Variants in ABCC2 observed in about 807,000 individuals in gnomAD.
ABCC2 encodes the protein ATP binding cassette subfamily C member 2.
ABCC2 carries 157 observed loss-of-function variants against 173.4 expected under a neutral mutation model. The observed-to-expected ratio is 0.91, with a 90% CI of 0.80 to 1.03. The LOEUF (loss-of-function observed/expected upper bound fraction) is 1.03. Ranked by LOEUF, ABCC2 falls within the 50% of genes least tolerant of loss-of-function variation. The pLI is 0.00. For missense variants in ABCC2, 1,822 were observed against 1,852.3 expected (o/e 0.98, Z 0.30); for synonymous variants, 657 against 693.5 (o/e 0.95, Z 0.83).
Position 99,836,428 on chromosome 10 carries a change from G to C in ABCC2, c.3614+138G>C, listed in dbSNP as rs1055227396. On this transcript the variant is annotated intron_variant, in intron 25 of 31. Transcript: ENST00000647814. Reference sequence around the variant, plus strand: ...CACACTGTCATGCTATGTAAGTGGAGAGAAGAAAGCATGAGCTTTGGAGTC... The same window carrying C: ...CACACTGTCATGCTATGTAAGTGGACAGAAGAAAGCATGAGCTTTGGAGTC... 12 of 948,090 alleles carry C rather than the reference G, an allele frequency of 1.3e-5. No individual in the cohort carries two copies. In the African/African-American group the frequency reaches 1.8e-4, roughly 14 times the overall value. 58.7% of individuals were successfully genotyped at this position (948,090 alleles called of 1,614,324 possible).
chr10:99,803,937 A>G, intron 9 of ABCC2, 82 bp from the exon 10 acceptor site: 1 of 1,576,940 alleles, frequency 6.3e-7, no homozygotes, highest in East Asian at 2.2e-5. Flanking sequence ...TTCCATTGTA[A>G]TCTCACTTCC....
chr10:99,831,671 A>G lies in ABCC2; in HGVS notation c.2944A>G (p.Ile982Val), dbSNP rs17222554. Residue 982 changes from isoleucine (I) to valine (V), a missense_variant, in exon 22 of 32, where the codon ATC (isoleucine) becomes GTC (valine). Physicochemically the swap from Ile to Val is conservative, Grantham distance 29. Coordinates refer to ENST00000647814, the MANE Select transcript of ABCC2 (RefSeq NM_000392.5). ...QAIGLFSIFF[I>V]ILAFVMNSVA... The stretch of plus-strand genomic sequence containing the variant: ...AATAGGATTGTTTTCGATATTCTTC[A>G]TCATCCTTGCGTTTGTGATGAATTC... 2.4e-4 allele frequency: 392 copies of G among 1,614,162 alleles called. No individual in the cohort carries two copies. The African/African-American group carries it at 4.5e-3, about 19-fold the overall frequency.
intron 16 of ABCC2, among the ~76,000 whole-genome samples, chr10:99,814,214 T>TATGTATACACAC (rs2038289756): frequency 6.4e-5 from 3 of 47,172 alleles, no homozygotes; most frequent in African/African-American, 3.1e-4. Flanking sequence ...TACACACATG[T>TATGTATACACAC]GTATATATAC....
chr10:99,833,761 C>G (rs976649852), intron 23 of ABCC2, among the ~76,000 whole-genome samples: 5 of 152,332 alleles, frequency 3.3e-5, no homozygotes, highest in African/African-American at 9.6e-5. Context: ...AACTTAAACT[C>G]ACTTTGGTAC....
intron 25 of ABCC2, among the ~76,000 whole-genome samples, chr10:99,839,214 G>C (rs1449511191): frequency 8.7e-5 from 9 of 103,616 alleles, no homozygotes; most frequent in South Asian, 3.0e-4. Context: ...CCTCCCGGAC[G>C]GGCCGGCTGG....
intron 30 of ABCC2, among the ~76,000 whole-genome samples, chr10:99,849,732 T>C (rs978880186): frequency 2.0e-5 from 3 of 152,222 alleles, no homozygotes; most frequent in African/African-American, 7.2e-5. Flanking sequence ...AGGGGAAAAC[T>C]GGAAGTTCAT....
At chr10:99,815,216 G>A (rs2038387550) in intron 16 of ABCC2, among the ~76,000 whole-genome samples, 1 of 152,042 alleles carries the variant, frequency 6.6e-6, no homozygotes, top group African/African-American at 2.4e-5. Flanking sequence ...CTGTTCCTGT[G>A]TTAGTTTGCT....
In ABCC2 at chr10:99,805,447, G is replaced by A; in HGVS notation, c.1530G>A (p.Lys510=). ...TGAATGAGATTCTTAGTGGAATCAA[G>A]GTGAGAATCTGAGCGTAGGTGGCTC... ...KIMNEILSGI[K]ILKYFAWEPS... The change falls in exon 11 of 32, where the codon AAG becomes AAA. Residue 510 remains lysine, a splice_region_variant and synonymous_variant. Coordinates refer to ENST00000647814, the MANE Select transcript of ABCC2 (RefSeq NM_000392.5). 2 of 1,613,716 alleles carry A rather than the reference G, an allele frequency of 1.2e-6. No homozygotes were observed. Among genetic ancestry groups the A allele is most frequent in the Admixed American group, 1.7e-5 (1 of 60,000 alleles).
At chr10:99,833,200 T>C (rs182523690) in intron 23 of ABCC2, among the ~76,000 whole-genome samples, 1 of 152,364 alleles carries the variant, frequency 6.6e-6, no homozygotes, top group Admixed American at 6.5e-5. Context: ...GTGGGCATGA[T>C]GTCACTAGAG....
chr10:99,791,822 G>T (rs759532887), intron 2 of ABCC2, among the ~76,000 whole-genome samples: 2 of 152,162 alleles, frequency 1.3e-5, no homozygotes, highest in African/African-American at 4.8e-5. Flanking sequence ...GTGAGCAATC[G>T]GAGACAGAGA....
intron 16 of ABCC2, among the ~76,000 whole-genome samples, chr10:99,815,860 A>G (rs2038398653): frequency 6.6e-6 from 1 of 152,220 alleles, no homozygotes; most frequent in African/African-American, 2.4e-5. Flanking sequence ...AGAGCAGGCT[A>G]CAGATTTAAG....
chr10:99,797,561 G>T (rs763519462), intron 7 of ABCC2: 25 of 541,104 alleles, frequency 4.6e-5, no homozygotes, highest in Non-Finnish European at 7.0e-5. Flanking sequence ...AGAATGAAAC[G>T]TGGTTTTGAA....
chr10:99,812,233 A>C (rs1370398686), intron 15 of ABCC2, among the ~76,000 whole-genome samples: 4 of 152,356 alleles, frequency 2.6e-5, no homozygotes, highest in African/African-American at 9.6e-5. Context: ...AGCTAGCCCC[A>C]GGATGAGTTG....
chr10:99,811,444 A>T (rs2038211288), intron 14 of ABCC2, 92 bp from the exon 15 acceptor site: 2 of 1,280,130 alleles, frequency 1.6e-6, no homozygotes, highest in Non-Finnish European at 2.3e-6. Context: ...AAACAATCCT[A>T]GGAGCTGATG....
chr10:99,793,396 C>G (rs539674448), intron 3 of ABCC2, among the ~76,000 whole-genome samples, 155 bp from the exon 4 acceptor site: 2 of 152,296 alleles, frequency 1.3e-5, no homozygotes, highest in South Asian at 4.1e-4. Flanking sequence ...GTGACATGTT[C>G]AACCTGGCAT....
In ABCC2 at chr10:99,794,477, G is replaced by A. The variant is rs192259836; in HGVS notation, c.632+9G>A. ...TACAGCTGGTATGACAGGTAGGAAAGCCTGGAGTATGGATTGGCTGTATCC... is the reference window on the plus strand; with the variant it reads ...TACAGCTGGTATGACAGGTAGGAAAACCTGGAGTATGGATTGGCTGTATCC... On this transcript the variant is annotated intron_variant, in intron 6 of 31. Transcript: ENST00000647814. The A allele has an allele frequency of 1.8e-5, 29 of 1,610,130 alleles. No homozygotes were observed. The highest frequency in any genetic ancestry group is 3.4e-6 in the Non-Finnish European group (4 of 1,176,446).
At position 99,818,095 on chromosome 10, in the gene ABCC2, C is replaced by T. The variant is rs1590170613; in HGVS notation, c.2271+611C>T. ...AAAATTAGCCGGGTGTGGTAGCAGG[C>T]GCCTGTAGTCCCAGCTACTCGGGAG... On this transcript the variant is annotated intron_variant, in intron 17 of 31. Transcript: ENST00000647814. Among the ~76,000 whole-genome samples, 3 of 152,028 alleles carry T rather than the reference C, an allele frequency of 2.0e-5. No individual in the cohort carries two copies. The South Asian group carries it at 6.2e-4, about 32-fold the overall frequency.
chr10:99,833,193 G>T (rs1470115298), intron 23 of ABCC2, among the ~76,000 whole-genome samples: 1 of 152,150 alleles, frequency 6.6e-6, no homozygotes, highest in Non-Finnish European at 1.5e-5. Context: ...AGAAACAGTG[G>T]GCATGATGTC....
At chr10:99,825,203 C>T (rs1359871335) in intron 19 of ABCC2, among the ~76,000 whole-genome samples, 2 of 151,904 alleles carry the variant, frequency 1.3e-5, no homozygotes, top group Non-Finnish European at 2.9e-5. Context: ...TAAATCTCGA[C>T]CCCACAGATT....
Sources: allele counts gnomAD v4.1 joint callset (sites outside exome capture counted in the v4.1 genomes callset), GRCh38; gene constraint gnomAD v4.1.1; transcripts MANE v1.5; gene names NCBI Gene and HGNC (gene_info 2026-07-23, HGNC 2026-07-21).